SEC11A: variants seen among roughly 807,000 people sequenced by gnomAD.
SEC11A encodes SEC11 homolog A, signal peptidase complex subunit.
Under a neutral mutation model 25.6 loss-of-function variants are expected in SEC11A, and 14 were observed. That is an observed-to-expected ratio of 0.55 (90% CI 0.36 to 0.85). The LOEUF (loss-of-function observed/expected upper bound fraction) is 0.85. Ranked by LOEUF, SEC11A falls within the 40% of genes least tolerant of loss-of-function variation. SEC11A has a pLI of 0.01. For synonymous variants in SEC11A, 83 were observed against 76.4 expected (o/e 1.09, Z -0.45); for missense variants, 153 against 222.9 (o/e 0.69, Z 2.00).
intron 1 of SEC11A, among the ~76,000 whole-genome samples, chr15:84,706,503 A>G (rs1293012313): frequency 6.6e-6 from 1 of 152,170 alleles, no homozygotes; most frequent in Non-Finnish European, 1.5e-5. Flanking sequence ...TTCAGGTAGG[A>G]CTTCTTATGA....
chr15:84,696,343 A>G (rs549582862), intron 1 of SEC11A, among the ~76,000 whole-genome samples: 12 of 152,320 alleles, frequency 7.9e-5, no homozygotes, highest in African/African-American at 2.4e-4. Context: ...TGAATTGAAG[A>G]CGTGGAGTGG....
chr15:84,694,701 G>T (rs1489045257), intron 1 of SEC11A, among the ~76,000 whole-genome samples: 2 of 151,824 alleles, frequency 1.3e-5, no homozygotes, highest in Admixed American at 1.3e-4. Context: ...AGAGACTCAT[G>T]CCTGTAATCC....
chr15:84,695,824 AAAAGACAG>A, intron 1 of SEC11A, among the ~76,000 whole-genome samples: 1 of 152,336 alleles, frequency 6.6e-6, no homozygotes, highest in South Asian at 2.1e-4. Flanking sequence ...TTAATCTCTG[AAAAGACAG>A]ACAAGAAACT....
intron 3 of SEC11A, among the ~76,000 whole-genome samples, chr15:84,684,177 T>C (rs1223464646): frequency 6.6e-6 from 1 of 152,244 alleles, no homozygotes; most frequent in Non-Finnish European, 1.5e-5. Flanking sequence ...GTGTTCAGTA[T>C]CATCCAATTA....
chr15:84,697,423 A>C lies in SEC11A; in HGVS notation c.52-5779T>G, dbSNP rs78432711. Among the ~76,000 whole-genome samples, 75 of 152,334 alleles carry C rather than the reference A, an allele frequency of 4.9e-4. 1 individual carries two copies. In the East Asian group the frequency reaches 0.013, roughly 27 times the overall value. On this transcript the variant is annotated intron_variant, in intron 1 of 5. Coordinates refer to ENST00000268220, the MANE Select transcript of SEC11A (RefSeq NM_014300.4). ...TATTGTGAAATGTAGCTAATCATCA[A>C]GATCATCTTCCTCATTTTTATTAGA...
At chr15:84,672,974 G>A (rs143494045) in intron 4 of SEC11A, 27,027 of 228,740 alleles carry the variant, frequency 0.12, 1,887 homozygotes, top group Non-Finnish European at 0.15. Flanking sequence ...GAAGTGAGGA[G>A]ACCCTCTGCC....
At chr15:84,670,339 C>G (rs1391906394) in intron 5 of SEC11A, 1 of 306,798 alleles carries the variant, frequency 3.3e-6, no homozygotes, top group African/African-American at 2.2e-5. Context: ...CATATTCAAG[C>G]AATTCTCGTG....
At chr15:84,688,464 G>T (rs979502314) in intron 2 of SEC11A, among the ~76,000 whole-genome samples, 1 of 152,044 alleles carries the variant, frequency 6.6e-6, no homozygotes, top group East Asian at 1.9e-4. Context: ...TCCATCCTAC[G>T]CCAAGTGCTG....
At chr15:84,696,211 G>A (rs951448216) in intron 1 of SEC11A, among the ~76,000 whole-genome samples, 1 of 152,164 alleles carries the variant, frequency 6.6e-6, no homozygotes, top group East Asian at 1.9e-4. Flanking sequence ...TAAGCGACAT[G>A]CTCATGGCTG....
chr15:84,707,387 T>C lies in SEC11A; in HGVS notation c.51+8638A>G, dbSNP rs1898127843. 2.0e-5 allele frequency among the ~76,000 whole-genome samples: 3 copies of C among 152,032 alleles called. No individual in the cohort carries two copies. In the South Asian group the frequency reaches 6.2e-4, roughly 32 times the overall value. ...TTTTAGTAGAGAAAGGGTTTCACCA[T>C]GTTGGCCAGGATGGTCTCGATCTCT... On this transcript the variant is annotated intron_variant, in intron 1 of 5. Coordinates refer to ENST00000268220, the MANE Select transcript of SEC11A (RefSeq NM_014300.4).
intron 4 of SEC11A, among the ~76,000 whole-genome samples, chr15:84,678,864 C>T (rs1038385009): frequency 6.6e-6 from 1 of 151,980 alleles, no homozygotes; most frequent in East Asian, 1.9e-4. Flanking sequence ...TGTGGTGACA[C>T]ACACCTGTAA....
chr15:84,680,861 T>C, intron 3 of SEC11A, 29 bp from the exon 4 acceptor site: 2 of 1,576,352 alleles, frequency 1.3e-6, no homozygotes, highest in Non-Finnish European at 1.7e-6. Flanking sequence ...ACCCAAGTCA[T>C]CAAATACCTT....
chr15:84,710,177 T>C (rs188968426), intron 1 of SEC11A, among the ~76,000 whole-genome samples: 1 of 152,362 alleles, frequency 6.6e-6, no homozygotes, highest in East Asian at 1.9e-4. Context: ...TATACAGTGC[T>C]GAAACATTTT....
At chr15:84,706,095 C>T (rs1478368175) in intron 1 of SEC11A, among the ~76,000 whole-genome samples, 3 of 151,656 alleles carry the variant, frequency 2.0e-5, no homozygotes, top group Admixed American at 6.6e-5. Context: ...TTAGTGGAGA[C>T]GGGGTTTCAC....
chr15:84,670,627 A>C (rs1179446358), intron 5 of SEC11A, 98 bp downstream of exon 5: 1 of 605,086 alleles, frequency 1.7e-6, no homozygotes, highest in Non-Finnish European at 2.9e-6. Flanking sequence ...CGATCCACTC[A>C]CCTCGGCCTC....
intron 1 of SEC11A, among the ~76,000 whole-genome samples, chr15:84,705,318 G>A (rs2141918744): frequency 6.6e-6 from 1 of 152,306 alleles, no homozygotes; most frequent in South Asian, 2.1e-4. Context: ...TACTGCTACA[G>A]TTACTGTCTT....
chr15:84,682,427 G>A (rs1897304505), intron 3 of SEC11A, among the ~76,000 whole-genome samples: 1 of 151,852 alleles, frequency 6.6e-6, no homozygotes, highest in Non-Finnish European at 1.5e-5. Context: ...GGGTTTACAG[G>A]AACAGTATTT....
chr15:84,693,198 T>C (rs550522982), intron 1 of SEC11A, among the ~76,000 whole-genome samples: 1 of 151,990 alleles, frequency 6.6e-6, no homozygotes, highest in East Asian at 1.9e-4. Context: ...TCATTCAATG[T>C]CATGGAAAAA....
At chr15:84,691,840 G>T in intron 1 of SEC11A, 196 bp from the exon 2 acceptor site, 2 of 401,248 alleles carry the variant, frequency 5.0e-6, no homozygotes, top group South Asian at 5.1e-5. Flanking sequence ...AAAGCACCCT[G>T]CTCCATTTTG....
Sources: gnomAD v4.1 joint callset for allele counts (sites outside exome capture counted in the v4.1 genomes callset) on GRCh38, gnomAD v4.1.1 for gene constraint, MANE v1.5 for transcripts, NCBI Gene and HGNC (gene_info 2026-07-23, HGNC 2026-07-21) for gene names.